MARCHF1: variants seen among roughly 807,000 people sequenced by gnomAD.
MARCHF1 encodes the protein E3 ubiquitin-protein ligase MARCHF1.
A neutral mutation model predicts 54.2 loss-of-function variants in MARCHF1; 40 were observed. That is an observed-to-expected ratio of 0.74 (90% confidence interval 0.57 to 0.96). MARCHF1 has a LOEUF of 0.96. MARCHF1 is among the 40% of genes least tolerant of loss of function. The pLI is 0.00. For synonymous variants in MARCHF1, 236 were observed against 236.3 expected (o/e 1.00, Z 0.01); for missense variants, 586 against 656.5 (o/e 0.89, Z 1.17).
At chr4:163,797,333 ATGTGTG>A (rs900358776) in intron 4 of MARCHF1, among the ~76,000 whole-genome samples, 5 of 102,110 alleles carry the variant, frequency 4.9e-5, no homozygotes, top group African/African-American at 1.6e-4. Context: ...TACGGTGTGT[ATGTGTG>A]TGTGTGTGTG....
rs754128837 is a variant in MARCHF1 at position 163,774,142 on chromosome 4, C to T, written c.112-73279G>A. 2.4e-4 allele frequency among the ~76,000 whole-genome samples: 36 copies of T among 152,136 alleles called. 1 individual carries two copies. The highest frequency in any genetic ancestry group is 1.3e-4 in the Admixed American group (2 of 15,264). On this transcript the variant is annotated intron_variant, in intron 4 of 9. Transcript: ENST00000514618. ...AAAATGGCATAGTATTTGCATATAA[C>T]CTGTGCATATCCTCTTATATATTTA...
chr4:163,863,042 G>A (rs755445307), intron 3 of MARCHF1, among the ~76,000 whole-genome samples: 11 of 152,026 alleles, frequency 7.2e-5, no homozygotes, highest in Non-Finnish European at 1.6e-4. Flanking sequence ...AATGATCAGT[G>A]GAGGGCAGTG....
chr4:164,324,763 A>G (rs1197454542), intron 1 of MARCHF1, among the ~76,000 whole-genome samples: 2 of 151,470 alleles, frequency 1.3e-5, no homozygotes, highest in Non-Finnish European at 3.0e-5. Context: ...ATTTAACAAG[A>G]AAGTTTTACA....
chr4:163,760,845 A>G (rs1275407923), intron 4 of MARCHF1, among the ~76,000 whole-genome samples: 2 of 152,044 alleles, frequency 1.3e-5, no homozygotes, highest in African/African-American at 4.8e-5. Context: ...TACTCTCCTC[A>G]TTTTTCTATT....
intron 1 of MARCHF1, among the ~76,000 whole-genome samples, chr4:164,318,469 GAGAAGAACACAGATTA>G (rs1478103561): frequency 6.6e-6 from 1 of 152,122 alleles, no homozygotes; most frequent in Non-Finnish European, 1.5e-5. Context: ...GACTATAATG[GAGAAGAACACAGATTA>G]AGATGTCAGA....
chr4:163,941,731 G>A (rs747885969), intron 3 of MARCHF1, among the ~76,000 whole-genome samples: 7 of 152,182 alleles, frequency 4.6e-5, no homozygotes, highest in African/African-American at 1.4e-4. Context: ...TTTCTCATTC[G>A]TCAAAAGGAG....
intron 1 of MARCHF1, among the ~76,000 whole-genome samples, chr4:164,164,426 A>T (rs1362244557): frequency 6.6e-6 from 1 of 152,034 alleles, no homozygotes; most frequent in Non-Finnish European, 1.5e-5. Flanking sequence ...TATATTAAAA[A>T]GATGAGAATT....
intron 3 of MARCHF1, among the ~76,000 whole-genome samples, chr4:163,896,027 A>C (rs114964555): frequency 0.013 from 2,030 of 152,326 alleles, 41 homozygotes; most frequent in African/African-American, 0.045. Context: ...TGTTTTGTAA[A>C]ATAAAAATGA....
At chr4:163,979,223 A>G (rs1247821252) in intron 3 of MARCHF1, among the ~76,000 whole-genome samples, 1 of 71,210 alleles carries the variant, frequency 1.4e-5, no homozygotes, top group East Asian at 7.5e-4. Flanking sequence ...TCCTGTGTCC[A>G]TGTGATCTCA....
At chr4:163,976,554 A>G (rs1390307311) in intron 3 of MARCHF1, among the ~76,000 whole-genome samples, 1 of 152,200 alleles carries the variant, frequency 6.6e-6, no homozygotes, top group Non-Finnish European at 1.5e-5. Flanking sequence ...GCATCTGGGT[A>G]GTTATGGGAG....
chr4:164,249,491 GA>G (rs1185131772), intron 1 of MARCHF1, among the ~76,000 whole-genome samples: 2 of 151,882 alleles, frequency 1.3e-5, no homozygotes, highest in African/African-American at 4.8e-5. Flanking sequence ...AGGCAAGAAA[GA>G]AAAAGAGAGA....
intron 4 of MARCHF1, among the ~76,000 whole-genome samples, chr4:163,800,426 T>A (rs1011383153): frequency 6.6e-6 from 1 of 152,016 alleles, no homozygotes; most frequent in Non-Finnish European, 1.5e-5. Flanking sequence ...TGCTACTTTA[T>A]GATATTAAAA....
chr4:163,905,400 T>G (rs1751043577), intron 3 of MARCHF1, among the ~76,000 whole-genome samples: 1 of 152,114 alleles, frequency 6.6e-6, no homozygotes, highest in Non-Finnish European at 1.5e-5. Flanking sequence ...CCAGACTGTT[T>G]ATCTACAGCT....
At chr4:163,990,746 G>C (rs530034846) in intron 2 of MARCHF1, among the ~76,000 whole-genome samples, 16 of 152,118 alleles carry the variant, frequency 1.1e-4, no homozygotes, top group Non-Finnish European at 1.8e-4. Flanking sequence ...TTAAGAGAAT[G>C]CTGGAAATAG....
chr4:163,638,458 C>G (rs1019579010), intron 5 of MARCHF1, among the ~76,000 whole-genome samples: 1 of 152,068 alleles, frequency 6.6e-6, no homozygotes, highest in Non-Finnish European at 1.5e-5. Flanking sequence ...TGAGTACTAA[C>G]GCCTGCTTTG....
chr4:164,073,638 AAAAT>A (rs936136944), intron 2 of MARCHF1, among the ~76,000 whole-genome samples: 13 of 152,246 alleles, frequency 8.5e-5, no homozygotes, highest in African/African-American at 2.4e-4. Context: ...AAGTTTAATA[AAAAT>A]AAATAAATAA....
At chr4:164,261,180 A>G (rs10034745) in intron 1 of MARCHF1, among the ~76,000 whole-genome samples, 17,522 of 151,926 alleles carry the variant, frequency 0.12, 1,590 homozygotes, top group African/African-American at 0.25. Flanking sequence ...GCCCAGCCCT[A>G]CCAGCTTCTT....
chr4:164,100,223 G>A (rs898615967), intron 2 of MARCHF1, among the ~76,000 whole-genome samples: 3 of 43,094 alleles, frequency 7.0e-5, no homozygotes, highest in Non-Finnish European at 1.4e-4. Flanking sequence ...CAAGAGAAAC[G>A]TGTACATTTG....
intron 1 of MARCHF1, among the ~76,000 whole-genome samples, chr4:164,177,902 A>G (rs1443316714): frequency 6.6e-6 from 1 of 152,154 alleles, no homozygotes; most frequent in Non-Finnish European, 1.5e-5. Flanking sequence ...GTGTCAGATC[A>G]CAAGAAGCAC....
Sources: gnomAD v4.1 joint callset for allele counts (sites outside exome capture counted in the v4.1 genomes callset) on GRCh38, gnomAD v4.1.1 for gene constraint, MANE v1.5 for transcripts, NCBI Gene and HGNC (gene_info 2026-07-23, HGNC 2026-07-21) for gene names.